Variants in PTPRD observed in about 807,000 individuals in gnomAD.
PTPRD encodes the protein protein tyrosine phosphatase receptor type D, also known as receptor-type tyrosine-protein phosphatase delta.
A neutral mutation model predicts 214.5 loss-of-function variants in PTPRD; 34 were observed. That is an observed-to-expected ratio of 0.16 (90% confidence interval 0.12 to 0.21). The LOEUF (loss-of-function observed/expected upper bound fraction) is 0.21. PTPRD is among the 10% of genes least tolerant of loss of function. The probability of loss-of-function intolerance (pLI) is 1.00; values close to 1 mark genes in which losing one functional copy is unlikely to be tolerated. For synonymous variants in PTPRD, 1,128 were observed against 845.7 expected, an observed-to-expected ratio of 1.33 and a Z score of -5.79; for missense variants, 2,545 against 2,398.7, an observed-to-expected ratio of 1.06 and a Z score of -1.27.
intron 10 of PTPRD, among the ~76,000 whole-genome samples, chr9:9,035,931 T>C (rs1167309109): frequency 6.6e-6 from 1 of 152,130 alleles, no homozygotes; most frequent in African/African-American, 2.4e-5. Flanking sequence ...AGACTAATGC[T>C]AGTAGCTGAA....
intron 11 of PTPRD, among the ~76,000 whole-genome samples, chr9:8,988,751 C>T (rs897223538): frequency 4.6e-5 from 7 of 151,944 alleles, no homozygotes; most frequent in African/African-American, 1.2e-4. Context: ...TTTCATTACA[C>T]GAAGTTTGTT....
chr9:8,352,083 A>ATT (rs5896240), intron 39 of PTPRD, among the ~76,000 whole-genome samples: 11,700 of 147,226 alleles, frequency 0.079, 1,510 homozygotes, highest in African/African-American at 0.27. Flanking sequence ...GCCTAATCTG[A>ATT]TTTTTTTTTT....
At chr9:8,774,355 G>T (rs1354832857) in intron 11 of PTPRD, among the ~76,000 whole-genome samples, 2 of 151,980 alleles carry the variant, frequency 1.3e-5, no homozygotes, top group African/African-American at 4.8e-5. Context: ...CCTAAAACAT[G>T]AAAGACCTCA....
chr9:10,186,912 G>C (rs766852301), intron 3 of PTPRD, among the ~76,000 whole-genome samples: 1 of 152,068 alleles, frequency 6.6e-6, no homozygotes. Context: ...GATATATTTA[G>C]AAACCCCCAT....
chr9:8,713,332 A>T, intron 12 of PTPRD: 8 of 866,984 alleles, frequency 9.2e-6, no homozygotes, highest in Non-Finnish European at 1.3e-5. Flanking sequence ...GGGCACACTA[A>T]GAGAGTACAA....
intron 2 of PTPRD, among the ~76,000 whole-genome samples, chr9:10,489,405 C>T (rs1012863322): frequency 6.6e-6 from 1 of 152,158 alleles, no homozygotes; most frequent in African/African-American, 2.4e-5. Context: ...TTTGGAGCCA[C>T]AAGCCATGCA....
intron 2 of PTPRD, among the ~76,000 whole-genome samples, chr9:10,588,930 C>G (rs2074669646): frequency 6.6e-6 from 1 of 152,010 alleles, no homozygotes; most frequent in Non-Finnish European, 1.5e-5. Flanking sequence ...GTCTATTTCT[C>G]TCACTAGAAT....
At chr9:9,324,585 A>G (rs976352835) in intron 9 of PTPRD, among the ~76,000 whole-genome samples, 57 of 152,068 alleles carry the variant, frequency 3.7e-4, no homozygotes, top group Non-Finnish European at 7.6e-4. Flanking sequence ...TAGATTCTGG[A>G]TATTAGCCCT....
chr9:10,416,388 G>A (rs1432473787), intron 2 of PTPRD, among the ~76,000 whole-genome samples: 1 of 151,598 alleles, frequency 6.6e-6, no homozygotes. Flanking sequence ...AAAAGCAACA[G>A]ACAAACAAAC....
At chr9:8,886,981 G>A (rs2098496028) in intron 11 of PTPRD, among the ~76,000 whole-genome samples, 1 of 152,124 alleles carries the variant, frequency 6.6e-6, no homozygotes, top group African/African-American at 2.4e-5. Flanking sequence ...TTACTTCCTA[G>A]GCACTGGACA....
chr9:9,616,709 A>T (rs1270740169), intron 7 of PTPRD, among the ~76,000 whole-genome samples: 2 of 152,164 alleles, frequency 1.3e-5, no homozygotes, highest in Non-Finnish European at 2.9e-5. Context: ...TTTTCTAGAA[A>T]ACTCACGAAT....
chr9:8,713,707 G>T, intron 12 of PTPRD: 3 of 1,509,660 alleles, frequency 2.0e-6, no homozygotes, highest in Non-Finnish European at 2.7e-6. Context: ...GGAAGAGATC[G>T]CGGCCAGCAA....
chr9:9,620,285 G>A (rs949028016), intron 7 of PTPRD, among the ~76,000 whole-genome samples: 21 of 152,090 alleles, frequency 1.4e-4, no homozygotes, highest in African/African-American at 4.8e-4. Flanking sequence ...CATTTATCTA[G>A]ACTGTAAGTC....
intron 8 of PTPRD, among the ~76,000 whole-genome samples, chr9:9,443,579 T>A (rs1049253521): frequency 4.6e-5 from 7 of 152,158 alleles, no homozygotes; most frequent in Non-Finnish European, 8.8e-5. Flanking sequence ...CCTGGGTTGT[T>A]ACGTAAGAAG....
intron 8 of PTPRD, among the ~76,000 whole-genome samples, chr9:9,400,822 A>T (rs527602874): frequency 2.0e-5 from 3 of 152,196 alleles, no homozygotes; most frequent in African/African-American, 7.2e-5. Flanking sequence ...AGTTTCTCTT[A>T]AAAGAAGTTT....
chr9:8,509,918 G>T (rs1396276737), intron 21 of PTPRD, among the ~76,000 whole-genome samples: 2 of 152,128 alleles, frequency 1.3e-5, no homozygotes, highest in Non-Finnish European at 2.9e-5. Context: ...TGTACAGGGG[G>T]TTCTCTCCTG....
Position 10,541,656 on chromosome 9 carries a change from CA to C in PTPRD, c.-600+70741del, listed in dbSNP as rs529959422. 1.0e-3 allele frequency among the ~76,000 whole-genome samples: 153 copies of C among 151,772 alleles called. 1 individual carries two copies. Among genetic ancestry groups the C allele is most frequent in the African/African-American group, 3.4e-3 (142 of 41,442 alleles). The stretch of plus-strand genomic sequence containing the variant: ...TCTTTATATTTATTTTTTGTCTTGA[CA>C]ACTACAATTTTAAATAAACATATCA... On this transcript the variant is annotated intron_variant, in intron 2 of 45. Coordinates refer to ENST00000381196, the MANE Select transcript of PTPRD (RefSeq NM_002839.4).
chr9:10,108,790 G>C (rs528734963), intron 3 of PTPRD, among the ~76,000 whole-genome samples: 2 of 151,900 alleles, frequency 1.3e-5, no homozygotes, highest in South Asian at 4.2e-4. Flanking sequence ...CCTTAAAAAA[G>C]AGGAAAGCCT....
chr9:8,971,758 T>A (rs936321284), intron 11 of PTPRD, among the ~76,000 whole-genome samples: 1 of 151,402 alleles, frequency 6.6e-6, no homozygotes, highest in Non-Finnish European at 1.5e-5. Flanking sequence ...AAGAATTATA[T>A]ATATATTACT....
Sources: gnomAD v4.1 joint callset for allele counts (sites outside exome capture counted in the v4.1 genomes callset) on GRCh38, gnomAD v4.1.1 for gene constraint, MANE v1.5 for transcripts, NCBI Gene and HGNC (gene_info 2026-07-23, HGNC 2026-07-21) for gene names.